ABI2: variants seen among roughly 807,000 people sequenced by gnomAD.
ABI2 encodes abl interactor 2.
A neutral mutation model predicts 59.2 loss-of-function variants in ABI2; 25 were observed. The observed-to-expected ratio is 0.42, with a 90% CI of 0.31 to 0.59. The LOEUF (loss-of-function observed/expected upper bound fraction) is 0.59. Ranked by LOEUF, ABI2 falls within the 20% of genes least tolerant of loss-of-function variation. ABI2 has a pLI of 0.14. For missense variants in ABI2, 545 were observed against 681.8 expected (o/e 0.80, Z 2.23); for synonymous variants, 213 against 235.5 (o/e 0.90, Z 0.87).
intron 1 of ABI2, among the ~76,000 whole-genome samples, chr2:203,335,957 T>A (rs1052167931): frequency 1.3e-5 from 2 of 152,194 alleles, no homozygotes; most frequent in Admixed American, 1.3e-4. Context: ...GTCCTGTCCC[T>A]CCACTACTAG....
chr2:203,344,651 G>A (rs931371606), intron 1 of ABI2, among the ~76,000 whole-genome samples: 1 of 151,916 alleles, frequency 6.6e-6, no homozygotes, highest in African/African-American at 2.4e-5. Context: ...AGCCAGCTGG[G>A]CTTCTGGGTC....
intron 8 of ABI2, among the ~76,000 whole-genome samples, chr2:203,401,649 T>G (rs912380202): frequency 3.9e-5 from 6 of 152,220 alleles, no homozygotes; most frequent in African/African-American, 1.4e-4. Context: ...TGACCCTCTT[T>G]TTATATCTTA....
At chr2:203,413,629 A>G (rs974438098) in intron 10 of ABI2, among the ~76,000 whole-genome samples, 1 of 152,172 alleles carries the variant, frequency 6.6e-6, no homozygotes, top group African/African-American at 2.4e-5. Context: ...GTGTGCTGTG[A>G]CTAATTTTAC....
chr2:203,338,996 A>G lies in ABI2; in HGVS notation c.117+10365A>G, dbSNP rs1319235417. On this transcript the variant is annotated intron_variant, in intron 1 of 11. Transcript: ENST00000261018. ...TATATATATATAAATATATATATAT[A>G]TATATATATATAAAGGATTCATACA... 3.5e-4 allele frequency among the ~76,000 whole-genome samples: 35 copies of G among 99,620 alleles called. 3 individuals carry two copies. The highest frequency in any genetic ancestry group is 6.4e-4 in the Non-Finnish European group (34 of 53,282). The allele number at this position is 99,620 out of a possible 152,430, so 65.4% of individuals were successfully genotyped here. A position where few individuals can be genotyped will look rare whatever the true frequency, so the allele number is the denominator to read the frequency against.
At chr2:203,379,894 A>C (rs189721925) in intron 2 of ABI2, among the ~76,000 whole-genome samples, 2 of 152,170 alleles carry the variant, frequency 1.3e-5, no homozygotes, top group Non-Finnish European at 2.9e-5. Flanking sequence ...AGCAAATTTG[A>C]ATTTTATATA....
intron 4 of ABI2, among the ~76,000 whole-genome samples, chr2:203,390,738 A>G (rs867199762): frequency 3.4e-4 from 52 of 152,176 alleles, no homozygotes; most frequent in African/African-American, 1.2e-3. Context: ...TAGTTATTCT[A>G]TTTAATTTTA....
intron 1 of ABI2, among the ~76,000 whole-genome samples, chr2:203,341,277 T>G (rs903736532): frequency 7.2e-5 from 11 of 152,214 alleles, no homozygotes; most frequent in Non-Finnish European, 1.6e-4. Flanking sequence ...CCCTGGTATG[T>G]GAGGGCAGAG....
At chr2:203,363,531 C>A (rs1286102703) in intron 1 of ABI2, among the ~76,000 whole-genome samples, 1 of 151,862 alleles carries the variant, frequency 6.6e-6, no homozygotes, top group Non-Finnish European at 1.5e-5. Context: ...TCCCCACTTT[C>A]CCCCTACCCT....
At chr2:203,414,287 A>G (rs1412623845) in intron 10 of ABI2, among the ~76,000 whole-genome samples, 1 of 151,948 alleles carries the variant, frequency 6.6e-6, no homozygotes, top group African/African-American at 2.4e-5. Flanking sequence ...TTTTTAGTAG[A>G]GACGGGGTTT....
In ABI2 at chr2:203,385,139, C is replaced by CTTTTTTTTTTTTTCTTTTTTT. The variant is rs10527327; in HGVS notation, c.480+2946_480+2947insCTTTTTTTTTTTTTTTTTTTT. On this transcript the variant is annotated intron_variant, in intron 4 of 11. Coordinates refer to ENST00000261018, the MANE Select transcript of ABI2 (RefSeq NM_001375670.1). ...TGAGCCACCGCACCCGGCTCAGATT[C>CTTTTTTTTTTTTTCTTTTTTT]TTTTTTTTTTTTTGAGACAGTCTTG... 7.1e-5 allele frequency among the ~76,000 whole-genome samples: 5 copies of CTTTTTTTTTTTTTCTTTTTTT among 69,972 alleles called. 1 individual carries two copies. The highest frequency in any genetic ancestry group is 1.4e-4 in the Non-Finnish European group (5 of 34,792). 45.9% of individuals were successfully genotyped at this position (69,972 alleles called of 152,430 possible). A position where few individuals can be genotyped will look rare whatever the true frequency, so the allele number is the denominator to read the frequency against.
intron 4 of ABI2, among the ~76,000 whole-genome samples, chr2:203,384,810 G>A (rs576068499): frequency 1.4e-4 from 21 of 151,024 alleles, no homozygotes; most frequent in South Asian, 1.1e-3. Flanking sequence ...GTTGAACATC[G>A]CCCAAGCAGA....
In ABI2 at chr2:203,395,897, A is replaced by G. The variant is rs1189774616; in HGVS notation, c.850+117A>G. 39 of 1,206,566 alleles carry G rather than the reference A, an allele frequency of 3.2e-5. 1 individual carries two copies. Among genetic ancestry groups the G allele is most frequent in the Non-Finnish European group, 4.2e-5 (37 of 882,906 alleles). The allele number at this position is 1,206,566 out of a possible 1,614,324, so 74.7% of individuals were successfully genotyped here. A position where few individuals can be genotyped will look rare whatever the true frequency, so the allele number is the denominator to read the frequency against. ...GATTTTTTTTCTTTAGGAATCATAA[A>G]TATTGGGAAGTCTATATATTTGTTA... On this transcript the variant is annotated intron_variant, in intron 7 of 11. Transcript: ENST00000261018.
At chr2:203,411,261 T>C (rs1283952931) in intron 9 of ABI2, 24 bp from the exon 10 acceptor site, 1 of 1,584,068 alleles carries the variant, frequency 6.3e-7, no homozygotes, top group Non-Finnish European at 8.7e-7. Context: ...TCCCTTATCC[T>C]CCACACCTTT....
intron 11 of ABI2, among the ~76,000 whole-genome samples, chr2:203,417,991 A>G (rs761085657): frequency 4.6e-5 from 7 of 152,216 alleles, no homozygotes; most frequent in African/African-American, 9.6e-5. Context: ...GAGAAACATA[A>G]TATTTCTGGA....
intron 1 of ABI2, among the ~76,000 whole-genome samples, chr2:203,336,869 A>G (rs2076693160): frequency 6.6e-6 from 1 of 152,216 alleles, no homozygotes; most frequent in African/African-American, 2.4e-5. Flanking sequence ...ACAAATTGCC[A>G]AACTCTTTTC....
At chr2:203,332,700 T>TG (rs1182145671) in intron 1 of ABI2, among the ~76,000 whole-genome samples, 1 of 152,226 alleles carries the variant, frequency 6.6e-6, no homozygotes, top group Non-Finnish European at 1.5e-5. Context: ...TTGGTTAACT[T>TG]GGAATCTACG....
At chr2:203,425,672 C>G (rs1045958616) in intron 11 of ABI2, among the ~76,000 whole-genome samples, 6 of 152,202 alleles carry the variant, frequency 3.9e-5, no homozygotes, top group South Asian at 2.1e-4. Flanking sequence ...TGTGTTCAGG[C>G]ATTTGGTTAT....
intron 8 of ABI2, among the ~76,000 whole-genome samples, chr2:203,401,667 T>TC (rs1476854213): frequency 6.6e-6 from 1 of 152,218 alleles, no homozygotes; most frequent in African/African-American, 2.4e-5. Flanking sequence ...TTAATTTTTT[T>TC]CATGATTGTA....
intron 1 of ABI2, among the ~76,000 whole-genome samples, chr2:203,337,357 A>G (rs1378873452): frequency 6.6e-6 from 1 of 152,174 alleles, no homozygotes; most frequent in Non-Finnish European, 1.5e-5. Context: ...TTAACTACAA[A>G]CGATCTGAAA....
Sources: gnomAD v4.1 joint callset for allele counts (sites outside exome capture counted in the v4.1 genomes callset) on GRCh38, gnomAD v4.1.1 for gene constraint, MANE v1.5 for transcripts, NCBI Gene and HGNC (gene_info 2026-07-23, HGNC 2026-07-21) for gene names.